COPG2: variants seen among roughly 807,000 people sequenced by gnomAD.
The protein encoded by COPG2 is coat protein complex I subunit gamma 2, also known as coatomer subunit gamma-2.
A neutral mutation model predicts 46.3 loss-of-function variants in COPG2; 37 were observed. That is an observed-to-expected ratio of 0.80 (90% CI 0.61 to 1.05). The LOEUF (loss-of-function observed/expected upper bound fraction) is 1.05, where lower values mean the gene tolerates loss of function less well. Ranked by LOEUF, COPG2 falls within the 50% of genes least tolerant of loss-of-function variation. The pLI, the probability that COPG2 is intolerant of heterozygous loss-of-function variation, is 0.00. For missense variants in COPG2, 427 were observed against 387.8 expected (o/e 1.10, Z -0.85); for synonymous variants, 159 against 129.7 (o/e 1.23, Z -1.53).
chr7:130,645,872 A>G (rs533109596), intron 5 of COPG2, among the ~76,000 whole-genome samples: 1 of 152,356 alleles, frequency 6.6e-6, no homozygotes, highest in South Asian at 2.1e-4. Flanking sequence ...CCCTCCAGAA[A>G]GTGAACAAGC....
At chr7:130,509,990 C>A (rs925111882) in intron 20 of COPG2, 5 of 481,138 alleles carry the variant, frequency 1.0e-5, no homozygotes, top group Non-Finnish European at 1.7e-5. Flanking sequence ...CAGCTGGAAA[C>A]AGTAAGAGGC....
intron 5 of COPG2, among the ~76,000 whole-genome samples, chr7:130,651,759 A>G (rs1554459146): frequency 7.0e-6 from 1 of 142,918 alleles, no homozygotes. Flanking sequence ...CTCATGATCC[A>G]CCCGCCTCGG....
At chr7:130,571,953 G>T (rs1489044330) in intron 9 of COPG2, among the ~76,000 whole-genome samples, 20 of 152,112 alleles carry the variant, frequency 1.3e-4, no homozygotes, top group Admixed American at 1.3e-3. Flanking sequence ...CAACCAGGGT[G>T]CAGTTGGAGA....
At chr7:130,583,957 T>C (rs1156673749) in intron 9 of COPG2, among the ~76,000 whole-genome samples, 17 of 151,652 alleles carry the variant, frequency 1.1e-4, no homozygotes, top group Non-Finnish European at 1.5e-4. Flanking sequence ...CCCGAACTCA[T>C]TCTATGAAGC....
At chr7:130,551,933 CCT>C (rs1793539320) in intron 15 of COPG2, among the ~76,000 whole-genome samples, 1 of 151,962 alleles carries the variant, frequency 6.6e-6, no homozygotes, top group South Asian at 2.1e-4. Context: ...TAAGTAAGCC[CCT>C]GTTGTACAAA....
intron 12 of COPG2, among the ~76,000 whole-genome samples, chr7:130,559,342 C>T (rs927211124): frequency 1.0e-3 from 159 of 152,292 alleles, no homozygotes; most frequent in African/African-American, 3.6e-3. Flanking sequence ...ACCACCCCAG[C>T]TGCCAGGGGC....
chr7:130,509,888 TTAAC>T (rs782184580), intron 20 of COPG2: 8 of 485,052 alleles, frequency 1.6e-5, no homozygotes, highest in Non-Finnish European at 3.3e-5. Context: ...ATATAATAGT[TTAAC>T]TGGCTCTCAA....
At chr7:130,649,955 A>G (rs1181136259) in intron 5 of COPG2, among the ~76,000 whole-genome samples, 3 of 152,240 alleles carry the variant, frequency 2.0e-5, no homozygotes, top group African/African-American at 7.2e-5. Flanking sequence ...TATAAAAGTT[A>G]GAAGTCCAAC....
chr7:130,506,711 T>G lies in COPG2; in HGVS notation c.2581A>C (p.Thr861Pro). 1 of 780,498 alleles carries G rather than the reference T, an allele frequency of 1.3e-6. No homozygotes were observed. The highest frequency in any genetic ancestry group is 1.7e-5 in the Admixed American group (1 of 59,004). The allele number at this position is 780,498 out of a possible 1,614,324, so 48.3% of individuals were successfully genotyped here. A position where few individuals can be genotyped will look rare whatever the true frequency, so the allele number is the denominator to read the frequency against. Reference protein sequence around the residue: ...MQVTVRSKERTPVDVILASVG With the variant: ...MQVTVRSKERPPVDVILASVG ...GAAGCTAAGATAACATCTACAGGTG[T>G]TCTCTCTTTACTTCTGACAGTCACC... Residue 861 changes from threonine (T) to proline (P), a missense_variant, in exon 24 of 24, where the codon ACA (threonine) becomes CCA (proline). Transcript: ENST00000425248.
intron 4 of COPG2, 22 bp from the exon 5 acceptor site, chr7:130,652,970 G>A: frequency 6.7e-7 from 1 of 1,486,852 alleles, no homozygotes. Flanking sequence ...TTTATAAAAG[G>A]TAACAGATTA....
intron 21 of COPG2, 84 bp downstream of exon 21, chr7:130,508,478 C>T: frequency 1.5e-6 from 1 of 674,558 alleles, no homozygotes. Context: ...ATGTCAGATG[C>T]TCCTAGAAAA....
intron 20 of COPG2, among the ~76,000 whole-genome samples, chr7:130,532,101 G>A (rs1287564316): frequency 6.6e-6 from 1 of 152,192 alleles, no homozygotes; most frequent in Admixed American, 6.5e-5. Context: ...TAGAGTGAGA[G>A]GGGAAGACGC....
chr7:130,630,507 T>C (rs186023291), intron 5 of COPG2, among the ~76,000 whole-genome samples: 5 of 152,356 alleles, frequency 3.3e-5, no homozygotes, highest in African/African-American at 1.2e-4. Context: ...TCAGTTTTCT[T>C]GTTCAAATTG....
chr7:130,635,448 T>G (rs1025348066), intron 5 of COPG2, among the ~76,000 whole-genome samples: 1 of 152,178 alleles, frequency 6.6e-6, no homozygotes, highest in Non-Finnish European at 1.5e-5. Flanking sequence ...GGAGGGTGTG[T>G]GTGTCCAGGA....
At chr7:130,616,597 A>G (rs28687749) in intron 6 of COPG2, among the ~76,000 whole-genome samples, 1 of 152,198 alleles carries the variant, frequency 6.6e-6, no homozygotes, top group African/African-American at 2.4e-5. Flanking sequence ...CTCAAAAAAG[A>G]AAAAGAAAAA....
chr7:130,615,393 A>G (rs1794933477), intron 6 of COPG2, among the ~76,000 whole-genome samples: 1 of 152,196 alleles, frequency 6.6e-6, no homozygotes, highest in Admixed American at 6.5e-5. Flanking sequence ...AGTGCCTGGC[A>G]TATAATAGGA....
chr7:130,568,054 AG>A (rs1394662402), intron 9 of COPG2, among the ~76,000 whole-genome samples: 1 of 152,130 alleles, frequency 6.6e-6, no homozygotes, highest in Non-Finnish European at 1.5e-5. Flanking sequence ...CGAGGCAGGC[AG>A]ATCACGAGGT....
In COPG2 at chr7:130,610,990, G is replaced by A. The variant is rs781866867; in HGVS notation, c.700C>T (p.Arg234Ter). Reference sequence around the variant, plus strand: ...TCTTTTAGTAAGCGACTGGCAATTCGGATCAGCATGCAGTAAGCAAACTGT... The same window carrying A: ...TCTTTTAGTAAGCGACTGGCAATTCAGATCAGCATGCAGTAAGCAAACTGT... The part of the protein sequence containing the change: ...KSQFAYCMLI[R>*]IASRLLKETE... The change falls in exon 9 of 24, where the codon CGA becomes TGA. Residue 234 changes from arginine to a stop codon, truncating the protein, a stop_gained. Coordinates refer to ENST00000425248, the MANE Select transcript of COPG2 (RefSeq NM_012133.6). LOFTEE classifies it high-confidence loss of function. 29 of 1,613,676 alleles carry A rather than the reference G, an allele frequency of 1.8e-5. No homozygotes were observed. Among genetic ancestry groups the A allele is most frequent in the East Asian group, 2.2e-5 (1 of 44,878 alleles).
At chr7:130,564,799 A>C (rs1793776506) in intron 9 of COPG2, among the ~76,000 whole-genome samples, 1 of 152,182 alleles carries the variant, frequency 6.6e-6, no homozygotes, top group Non-Finnish European at 1.5e-5. Context: ...CTCTGGGCCA[A>C]AATCTCATCC....
Sources: allele counts gnomAD v4.1 joint callset (sites outside exome capture counted in the v4.1 genomes callset), GRCh38; gene constraint gnomAD v4.1.1; transcripts MANE v1.5; gene names NCBI Gene and HGNC (gene_info 2026-07-23, HGNC 2026-07-21).